The following STX2 variants were observed in gnomAD, a reference collection of about 807,000 sequenced individuals.
STX2 encodes the protein syntaxin-2.
Under a neutral mutation model 40.6 loss-of-function variants are expected in STX2, and 27 were observed. That is an observed-to-expected ratio of 0.66 (90% CI 0.49 to 0.92). STX2 has a LOEUF of 0.92. Among genes scored for constraint, STX2 ranks in the 40% least tolerant of loss-of-function variants. The pLI is 0.00. For synonymous variants in STX2, 123 were observed against 119.1 expected, an observed-to-expected ratio of 1.03 and a Z score of -0.22; for missense variants, 328 against 366.1, an observed-to-expected ratio of 0.90 and a Z score of 0.85.
Position 130,827,246 on chromosome 12 carries a change from C to G in STX2, c.52G>C (p.Asp18His), listed in dbSNP as rs1952355761. The G allele has an allele frequency of 6.2e-7, 1 of 1,613,734 alleles. No homozygotes were observed. Among genetic ancestry groups the G allele is most frequent in the African/African-American group, 1.3e-5 (1 of 74,876 alleles). The change falls in exon 2 of 11, where the codon GAC becomes CAC. Residue 18 changes from aspartate (D) to histidine (H), a missense_variant. By Grantham distance (81) the Asp-to-His change is moderately conservative (BLOSUM62 -1). Coordinates refer to ENST00000392373, the MANE Select transcript of STX2 (RefSeq NM_194356.4). Reference sequence around the variant, plus strand: ...TCTTTCTCAACCACAACAACTGTGTCTCCATCATCATTCTTCCTACACTAC... The same window carrying G: ...TCTTTCTCAACCACAACAACTGTGTGTCCATCATCATTCTTCCTACACTAC... ...LTACRKNDDGDTVVVVEKDHF... is the reference protein window; with the variant it reads ...LTACRKNDDGHTVVVVEKDHF...
chr12:130,813,067 A>G, intron 3 of STX2, 36 bp from the exon 4 acceptor site: 1 of 1,247,542 alleles, frequency 8.0e-7, no homozygotes, highest in South Asian at 1.6e-5. Flanking sequence ...AAAATACAGC[A>G]TCTGAGCTAT....
intron 1 of STX2, among the ~76,000 whole-genome samples, chr12:130,829,157 TTA>T (rs1952456644): frequency 6.6e-6 from 1 of 152,138 alleles, no homozygotes; most frequent in Non-Finnish European, 1.5e-5. Context: ...TGCTCAATGG[TTA>T]TGGTCTCAGA....
At chr12:130,817,840 C>T in intron 3 of STX2, among the ~76,000 whole-genome samples, 1 of 152,142 alleles carries the variant, frequency 6.6e-6, no homozygotes, top group East Asian at 1.9e-4. Context: ...GAGAATAATA[C>T]TAAACTGAGG....
chr12:130,791,719 T>C lies in STX2; in HGVS notation c.*304A>G. ...GGGTCACGCATCACACCCACTGTGC[T>C]TACGGCGCTGTCACTGAACAAGACG... is the stretch of plus-strand genomic sequence containing the variant. On this transcript the variant is annotated 3_prime_UTR_variant, in exon 11 of 11. Transcript: ENST00000392373. 1.7e-6 allele frequency: 1 copy of C among 578,694 alleles called. No homozygotes were observed. The highest frequency in any genetic ancestry group is 2.2e-5 in the South Asian group (1 of 45,928). 35.8% of individuals were successfully genotyped at this position (578,694 alleles called of 1,614,324 possible). A position where few individuals can be genotyped will look rare whatever the true frequency, so the allele number is the denominator to read the frequency against.
At position 130,791,792 on chromosome 12, in the gene STX2, C is replaced by T. The variant is rs771871703; in HGVS notation, c.*231G>A. On this transcript the variant is annotated 3_prime_UTR_variant, in exon 11 of 11. Coordinates refer to ENST00000392373, the MANE Select transcript of STX2 (RefSeq NM_194356.4). Reference sequence around the variant, plus strand: ...ACTCATACATTACAAGGTCAGCACTCGATGCCGGGTTACAGCGTCTGAGAT... The same window carrying T: ...ACTCATACATTACAAGGTCAGCACTTGATGCCGGGTTACAGCGTCTGAGAT... 72 of 1,001,318 alleles carry T rather than the reference C, an allele frequency of 7.2e-5. No individual in the cohort carries two copies. The highest frequency in any genetic ancestry group is 1.0e-4 in the Non-Finnish European group (67 of 643,058). The allele number at this position is 1,001,318 out of a possible 1,614,324, so 62.0% of individuals were successfully genotyped here. A position where few individuals can be genotyped will look rare whatever the true frequency, so the allele number is the denominator to read the frequency against.
At chr12:130,832,359 T>C (rs1593193835) in intron 1 of STX2, among the ~76,000 whole-genome samples, 2 of 152,094 alleles carry the variant, frequency 1.3e-5, no homozygotes, top group East Asian at 1.9e-4. Context: ...TTACCAACAA[T>C]ATAACGAACC....
At chr12:130,837,707 G>T (rs996363016) in intron 1 of STX2, among the ~76,000 whole-genome samples, 1 of 152,144 alleles carries the variant, frequency 6.6e-6, no homozygotes, top group African/African-American at 2.4e-5. Context: ...GATTACAGGA[G>T]TGAGCCACAG....
chr12:130,807,233 G>T, intron 5 of STX2, 143 bp from the exon 6 acceptor site: 1 of 762,228 alleles, frequency 1.3e-6, no homozygotes, highest in Non-Finnish European at 2.1e-6. Flanking sequence ...AGTCCCCATG[G>T]CAGCATCTGT....
Position 130,796,014 on chromosome 12 carries a change from C to T in STX2, c.*26G>A, listed in dbSNP as rs776934372. 1 of 1,613,056 alleles carries T rather than the reference C, an allele frequency of 6.2e-7. No homozygotes were observed. Among genetic ancestry groups the T allele is most frequent in the African/African-American group, 1.3e-5 (1 of 74,880 alleles). ...ACTTACTCCCACCCTGGCAGAGAGG[C>T]ATGCACACTGACGTTATCCACACCA... On this transcript the variant is annotated 3_prime_UTR_variant, in exon 10 of 11. Transcript: ENST00000392373.
chr12:130,810,037 C>T (rs992188246), intron 4 of STX2, among the ~76,000 whole-genome samples: 2 of 152,040 alleles, frequency 1.3e-5, no homozygotes, highest in African/African-American at 2.4e-5. Flanking sequence ...ACAACAACAA[C>T]AACAAAAAGT....
chr12:130,832,306 T>G lies in STX2; in HGVS notation c.31-5039A>C, dbSNP rs143647680. 3.8e-3 allele frequency among the ~76,000 whole-genome samples: 574 copies of G among 152,198 alleles called. 3 individuals are homozygous for G. Among genetic ancestry groups the G allele is most frequent in the African/African-American group, 0.013 (543 of 41,526 alleles). Reference sequence around the variant, plus strand: ...ATACACTCCATTATATAAACAGCCATGAGGTAGCCATCCAGGCTCCTATTG... The same window carrying G: ...ATACACTCCATTATATAAACAGCCAGGAGGTAGCCATCCAGGCTCCTATTG... On this transcript the variant is annotated intron_variant, in intron 1 of 10. Coordinates refer to ENST00000392373, the MANE Select transcript of STX2 (RefSeq NM_194356.4).
chr12:130,817,954 T>C (rs1221335100), intron 3 of STX2, among the ~76,000 whole-genome samples: 1 of 150,932 alleles, frequency 6.6e-6, no homozygotes, highest in Non-Finnish European at 1.5e-5. Flanking sequence ...CAGCCTGTGG[T>C]GGGGGCAGCT....
Position 130,830,314 on chromosome 12 carries a change from G to A in STX2, c.31-3047C>T, listed in dbSNP as rs143456932. Among the ~76,000 whole-genome samples, 1,497 of 152,216 alleles carry A rather than the reference G, an allele frequency of 9.8e-3. 19 individuals are homozygous for A. Among genetic ancestry groups the A allele is most frequent in the Non-Finnish European group, 0.011 (758 of 68,026 alleles). On this transcript the variant is annotated intron_variant, in intron 1 of 10. Coordinates refer to ENST00000392373, the MANE Select transcript of STX2 (RefSeq NM_194356.4). ...AGCAAGCTGCTTTCCCATGGTGACC[G>A]TCCCATGCTGTGTGATGCACCCCCC...
chr12:130,812,174 T>TAA (rs1225364824), intron 4 of STX2: 40 of 221,880 alleles, frequency 1.8e-4, no homozygotes, highest in Middle Eastern at 1.6e-3. Context: ...GCAAACTGTT[T>TAA]AAAAAAAAAA....
chr12:130,815,391 G>A (rs756484407), intron 3 of STX2, among the ~76,000 whole-genome samples: 2 of 152,154 alleles, frequency 1.3e-5, no homozygotes, highest in Non-Finnish European at 2.9e-5. Flanking sequence ...CGGGGTGTTC[G>A]TGCGCGTGTG....
intron 1 of STX2, among the ~76,000 whole-genome samples, chr12:130,832,889 G>A (rs912405105): frequency 2.6e-5 from 4 of 152,168 alleles, no homozygotes; most frequent in Admixed American, 1.3e-4. Flanking sequence ...CCCCAGCCCT[G>A]TCCACAGCCG....
rs773459607 is a variant in STX2 at position 130,807,016 on chromosome 12, C to T, written c.429G>A (p.Arg143=). The T allele has an allele frequency of 3.7e-6, 6 of 1,614,234 alleles. No individual in the cohort carries two copies. The South Asian group carries it at 4.4e-5, about 12-fold the overall frequency. The part of the protein sequence containing the change: ...YNEAQTLFRE[R]SKGRIQRQLE... The stretch of plus-strand genomic sequence containing the variant: ...GCTGGCGCTGGATGCGGCCTTTGCT[C>T]CGCTCCCGAAACAGAGTCTGTGCCT... The change falls in exon 6 of 11, where the codon CGG becomes CGA. Residue 143 remains arginine (R), a synonymous_variant. Coordinates refer to ENST00000392373, the MANE Select transcript of STX2 (RefSeq NM_194356.4).
At chr12:130,828,518 G>T (rs1265121889) in intron 1 of STX2, among the ~76,000 whole-genome samples, 1 of 150,788 alleles carries the variant, frequency 6.6e-6, no homozygotes, top group Non-Finnish European at 1.5e-5. Flanking sequence ...GGGATTACAG[G>T]CATGAGCCAC....
rs1951210275 is a variant in STX2, at chr12:130,801,152, C to T, written c.675+1G>A. On this transcript the variant is annotated splice_donor_variant, in intron 8 of 10. Coordinates refer to ENST00000392373, the MANE Select transcript of STX2 (RefSeq NM_194356.4). LOFTEE classifies it high-confidence loss of function. ...TGGAGAATGCAAGAGTCTGTAACTA[C>T]CTGAGTCTCCACAAACATAGCCATG... 2 of 1,610,250 alleles carry T rather than the reference C, an allele frequency of 1.2e-6. No homozygotes were observed. Among genetic ancestry groups the T allele is most frequent in the Admixed American group, 1.7e-5 (1 of 59,762 alleles).
Sources: allele counts gnomAD v4.1 joint callset (sites outside exome capture counted in the v4.1 genomes callset), GRCh38; gene constraint gnomAD v4.1.1; transcripts MANE v1.5; gene names NCBI Gene and HGNC (gene_info 2026-07-23, HGNC 2026-07-21).